Variants in SYNDIG1 observed in about 807,000 individuals in gnomAD.
SYNDIG1 encodes the protein synapse differentiation-inducing gene protein 1.
SYNDIG1 carries 9 observed loss-of-function variants against 19.4 expected under a neutral mutation model. The observed-to-expected ratio is 0.46, with a 90% CI of 0.28 to 0.81. SYNDIG1 has a LOEUF of 0.81. SYNDIG1 is among the 30% of genes least tolerant of loss of function. The pLI is 0.12. For synonymous variants in SYNDIG1, 141 were observed against 145.9 expected, an observed-to-expected ratio of 0.97 and a Z score of 0.24; for missense variants, 311 against 343.3, an observed-to-expected ratio of 0.91 and a Z score of 0.74.
At position 24,584,891 on chromosome 20, in the gene SYNDIG1, T is replaced by G; in HGVS notation, c.516T>G (p.Asn172Lys). ...DYSSDTESEDNFLMMPPRDHL... is the reference protein window; with the variant it reads ...DYSSDTESEDKFLMMPPRDHL... ...CAAGCGACACAGAGAGTGAGGACAA[T>G]TTCCTCATGATGCCCCCGCGGGACC... The change falls in exon 3 of 4, where the codon AAT becomes AAG. Residue 172 changes from asparagine (N) to lysine (K), a missense_variant. Asn to Lys is a moderately conservative substitution (Grantham distance 94). Coordinates refer to ENST00000376862, the MANE Select transcript of SYNDIG1 (RefSeq NM_024893.3). 1 of 1,614,158 alleles carries G rather than the reference T, an allele frequency of 6.2e-7. No individual in the cohort carries two copies. The highest frequency in any genetic ancestry group is 8.5e-7 in the Non-Finnish European group (1 of 1,180,034).
At chr20:24,629,989 T>TG (rs1399492895) in intron 3 of SYNDIG1, among the ~76,000 whole-genome samples, 5 of 151,988 alleles carry the variant, frequency 3.3e-5, no homozygotes, top group African/African-American at 1.2e-4. Context: ...GTGCCTGGAG[T>TG]CAGGAGCGGA....
intron 1 of SYNDIG1, among the ~76,000 whole-genome samples, chr20:24,508,639 A>T (rs564879750): frequency 6.6e-6 from 1 of 152,230 alleles, no homozygotes; most frequent in African/African-American, 2.4e-5. Flanking sequence ...AGAGCCAAAA[A>T]ATTCAGAGGA....
chr20:24,500,960 A>G (rs1441605203), intron 1 of SYNDIG1, among the ~76,000 whole-genome samples: 1 of 152,244 alleles, frequency 6.6e-6, no homozygotes, highest in Non-Finnish European at 1.5e-5. Context: ...TATTGAAAAC[A>G]GAAGTGGGGT....
chr20:24,528,210 C>T (rs773398696), intron 1 of SYNDIG1, among the ~76,000 whole-genome samples: 1 of 152,192 alleles, frequency 6.6e-6, no homozygotes, highest in African/African-American at 2.4e-5. Flanking sequence ...TTTAATTTCA[C>T]TGATGTATTT....
chr20:24,600,758 G>T (rs1332250196), intron 3 of SYNDIG1, among the ~76,000 whole-genome samples: 1 of 151,944 alleles, frequency 6.6e-6, no homozygotes. Context: ...GGGATTACAG[G>T]TGCCCGCCAC....
chr20:24,623,928 T>A (rs1391193170), intron 3 of SYNDIG1, among the ~76,000 whole-genome samples: 1 of 152,160 alleles, frequency 6.6e-6, no homozygotes, highest in Non-Finnish European at 1.5e-5. Context: ...CAGTTATATA[T>A]GACATTTAAA....
chr20:24,662,033 G>A (rs1008141409), intron 3 of SYNDIG1, among the ~76,000 whole-genome samples: 16 of 152,094 alleles, frequency 1.1e-4, no homozygotes, highest in African/African-American at 3.9e-4. Flanking sequence ...ACCTTTACAT[G>A]TGGATCAACA....
chr20:24,625,475 A>G lies in SYNDIG1; in HGVS notation c.619-39871A>G, dbSNP rs2059110932. Among the ~76,000 whole-genome samples the G allele has an allele frequency of 2.7e-5, 4 of 148,400 alleles. No homozygotes were observed. The Admixed American group carries it at 2.7e-4, about 10-fold the overall frequency. On this transcript the variant is annotated intron_variant, in intron 3 of 3. Transcript: ENST00000376862. ...ATAGGACAATAGTGGAGGGAAGGTCAGCAGATAAACAAGTGAACAAAGGTC... is the reference window on the plus strand; with the variant it reads ...ATAGGACAATAGTGGAGGGAAGGTCGGCAGATAAACAAGTGAACAAAGGTC...
chr20:24,640,489 GGAAGGAAGGAAGGAA>G (rs1568710149), intron 3 of SYNDIG1, among the ~76,000 whole-genome samples: 1 of 121,002 alleles, frequency 8.3e-6, no homozygotes, highest in Non-Finnish European at 1.9e-5. Flanking sequence ...AAGGAAGGAA[GGAAGGAAGGAAGGAA>G]GGAAGGAAGG....
chr20:24,626,061 C>A (rs1383218777), intron 3 of SYNDIG1, among the ~76,000 whole-genome samples: 1 of 149,638 alleles, frequency 6.7e-6, no homozygotes, highest in Non-Finnish European at 1.5e-5. Flanking sequence ...CCACCTCCCT[C>A]CCGGACAGGG....
chr20:24,520,140 G>C (rs2056974506), intron 1 of SYNDIG1, among the ~76,000 whole-genome samples: 1 of 151,954 alleles, frequency 6.6e-6, no homozygotes, highest in Non-Finnish European at 1.5e-5. Context: ...CCCTGAGCAT[G>C]CTTTTATGTA....
intron 3 of SYNDIG1, among the ~76,000 whole-genome samples, chr20:24,619,524 T>A (rs2059004000): frequency 6.6e-6 from 1 of 152,262 alleles, no homozygotes; most frequent in Non-Finnish European, 1.5e-5. Context: ...CTCATGTTCC[T>A]GTTCGTAGAT....
intron 2 of SYNDIG1, among the ~76,000 whole-genome samples, chr20:24,552,800 C>T (rs1261243178): frequency 6.6e-6 from 1 of 152,082 alleles, no homozygotes; most frequent in Non-Finnish European, 1.5e-5. Context: ...AGCAGCATGA[C>T]TTATAATCCT....
chr20:24,508,484 C>G (rs2056662270), intron 1 of SYNDIG1, among the ~76,000 whole-genome samples: 1 of 152,000 alleles, frequency 6.6e-6, no homozygotes, highest in African/African-American at 2.4e-5. Flanking sequence ...TCCCAAAGTG[C>G]TGGGATTACA....
At chr20:24,538,098 T>C (rs575590707) in intron 1 of SYNDIG1, among the ~76,000 whole-genome samples, 7 of 152,328 alleles carry the variant, frequency 4.6e-5, no homozygotes, top group African/African-American at 1.7e-4. Flanking sequence ...ATTGAGTTTG[T>C]CTAATTTTTT....
At chr20:24,478,441 C>A (rs1311353345) in intron 1 of SYNDIG1, among the ~76,000 whole-genome samples, 1 of 152,246 alleles carries the variant, frequency 6.6e-6, no homozygotes, top group Non-Finnish European at 1.5e-5. Context: ...TGCCGTCCAG[C>A]CTCACTGTCT....
At chr20:24,552,157 A>G (rs2057717534) in intron 2 of SYNDIG1, among the ~76,000 whole-genome samples, 1 of 152,126 alleles carries the variant, frequency 6.6e-6, no homozygotes, top group South Asian at 2.1e-4. Flanking sequence ...AAGAGTGTGT[A>G]CATTTATAAT....
At chr20:24,542,954 G>A in intron 1 of SYNDIG1, 66 bp from the exon 2 acceptor site, 1 of 1,255,478 alleles carries the variant, frequency 8.0e-7, no homozygotes, top group Non-Finnish European at 1.1e-6. Flanking sequence ...AACAATGTGG[G>A]TCTGGGTGAT....
intron 3 of SYNDIG1, among the ~76,000 whole-genome samples, chr20:24,625,117 A>G (rs1438234337): frequency 6.6e-6 from 1 of 152,218 alleles, no homozygotes; most frequent in Non-Finnish European, 1.5e-5. Context: ...TGTATAATCT[A>G]AACTACCTTA....
Sources: allele counts gnomAD v4.1 joint callset (sites outside exome capture counted in the v4.1 genomes callset), GRCh38; gene constraint gnomAD v4.1.1; transcripts MANE v1.5; gene names NCBI Gene and HGNC (gene_info 2026-07-23, HGNC 2026-07-21).